The following HACL1 variants were observed in gnomAD, a reference collection of about 807,000 sequenced individuals.
HACL1 encodes the protein 1600020H07Rik.
In HACL1, 64 loss-of-function variants were observed where a neutral mutation model predicts 74.2. The ratio of observed to expected loss-of-function variants is 0.86; its 90% CI spans 0.70 to 1.06. The LOEUF is 1.06. Ranked by LOEUF, HACL1 falls within the 50% of genes least tolerant of loss-of-function variation. The probability of loss-of-function intolerance (pLI) is 0.00; values close to 1 mark genes in which losing one functional copy is unlikely to be tolerated. For missense variants in HACL1, 728 were observed against 719.7 expected, an observed-to-expected ratio of 1.01 and a Z score of -0.13; for synonymous variants, 230 against 238.8, an observed-to-expected ratio of 0.96 and a Z score of 0.34.
At chr3:15,578,329 G>C (rs1211859081) in intron 9 of HACL1, among the ~76,000 whole-genome samples, 1 of 151,916 alleles carries the variant, frequency 6.6e-6, no homozygotes, top group African/African-American at 2.4e-5. Context: ...TCATAATAAA[G>C]ACATTTCAAG....
intron 8 of HACL1, among the ~76,000 whole-genome samples, chr3:15,582,082 T>C (rs193115177): frequency 3.9e-5 from 6 of 152,342 alleles, no homozygotes; most frequent in Admixed American, 3.9e-4. Context: ...ACTATCAAAC[T>C]ATTTTTAGTT....
At position 15,597,520 on chromosome 3, in the gene HACL1, T is replaced by G. The variant is rs917976785; in HGVS notation, c.187-1096A>C. Among the ~76,000 whole-genome samples the G allele has an allele frequency of 2.3e-4, 34 of 147,284 alleles. 1 individual carries two copies. The highest frequency in any genetic ancestry group is 9.2e-4 in the African/African-American group (34 of 36,872). On this transcript the variant is annotated intron_variant, in intron 2 of 16. Coordinates refer to ENST00000321169, the MANE Select transcript of HACL1 (RefSeq NM_012260.4). ...ACATCATTTTTTTCCCAGTATTATT[T>G]CTTCTCATTTCTTTAGAAATAATAA...
chr3:15,573,542 A>C (rs749495745), intron 10 of HACL1, among the ~76,000 whole-genome samples: 1 of 152,228 alleles, frequency 6.6e-6, no homozygotes, highest in Non-Finnish European at 1.5e-5. Flanking sequence ...GCATCTAATC[A>C]GTAAGTTCTA....
rs775668583 is a variant in HACL1, at chr3:15,573,188, G to A, written c.964C>T (p.Leu322=). ...TTAGTGACAGCATGTATGTTTCCTA[G>A]CAAAGTAACAGCGGGCTTTACATTA... The part of the protein sequence containing the change: ...GNNVKPAVTL[L]GNIHAVTKQL... Residue 322 remains leucine, a synonymous_variant, in exon 11 of 17, where the codon CTA becomes TTA. Transcript: ENST00000321169. 1.9e-5 allele frequency: 30 copies of A among 1,609,204 alleles called. No individual in the cohort carries two copies. Among genetic ancestry groups the A allele is most frequent in the Non-Finnish European group, 2.3e-5 (27 of 1,175,820 alleles).
intron 9 of HACL1, among the ~76,000 whole-genome samples, chr3:15,576,154 C>CAAAAAA (rs1185744343): frequency 1.6e-5 from 1 of 62,476 alleles, no homozygotes; most frequent in African/African-American, 5.6e-5. Context: ...GACTCTGTCT[C>CAAAAAA]AAAAAAAAAA....
At chr3:15,578,897 G>C (rs1231514145) in intron 9 of HACL1, among the ~76,000 whole-genome samples, 3 of 152,218 alleles carry the variant, frequency 2.0e-5, no homozygotes, top group Admixed American at 1.3e-4. Flanking sequence ...CTGAGAATGG[G>C]AGAGTGGGGG....
At chr3:15,566,746 C>G (rs191694449) in intron 14 of HACL1, among the ~76,000 whole-genome samples, 1 of 96,408 alleles carries the variant, frequency 1.0e-5, no homozygotes, top group Non-Finnish European at 2.1e-5. Context: ...TTTTTTTTTT[C>G]AAGGAATTTC....
chr3:15,601,340 CA>C (rs1374209561), intron 1 of HACL1, 42 bp downstream of exon 1: 1 of 1,612,338 alleles, frequency 6.2e-7, no homozygotes, highest in East Asian at 2.2e-5. Context: ...CGGTCCCCGC[CA>C]GCTTCCGTAG....
At chr3:15,567,398 T>G (rs1183227447) in intron 14 of HACL1, among the ~76,000 whole-genome samples, 1 of 151,190 alleles carries the variant, frequency 6.6e-6, no homozygotes, top group Middle Eastern at 3.2e-3. Flanking sequence ...TTTTGTATAT[T>G]TAGTAGAGAT....
chr3:15,591,739 C>G, intron 3 of HACL1, 59 bp from the exon 4 acceptor site: 1 of 1,099,412 alleles, frequency 9.1e-7, no homozygotes, highest in Non-Finnish European at 1.4e-6. Flanking sequence ...ATTCATAACA[C>G]TTTAGTGTGA....
At chr3:15,574,761 T>C (rs774455072) in intron 10 of HACL1, among the ~76,000 whole-genome samples, 13 of 135,006 alleles carry the variant, frequency 9.6e-5, no homozygotes, top group Non-Finnish European at 1.6e-4. Context: ...TTTGAAAGGT[T>C]TTCTGGCTAG....
chr3:15,600,455 T>C (rs1049419292), intron 2 of HACL1, among the ~76,000 whole-genome samples: 2 of 152,238 alleles, frequency 1.3e-5, no homozygotes, highest in East Asian at 1.9e-4. Flanking sequence ...TTAAAGTGGA[T>C]TGACAAAACG....
intron 5 of HACL1, 32 bp downstream of exon 5, chr3:15,589,508 A>AT (rs767782769): frequency 2.7e-5 from 38 of 1,406,304 alleles, no homozygotes; most frequent in Non-Finnish European, 3.5e-5. Flanking sequence ...AAAATTAAAA[A>AT]TAAAAAAAAC....
Position 15,560,804 on chromosome 3 carries a change from G to T in HACL1, c.*61C>A. ...TTAACAGTAGAGTAATTTTGCTGTGGAAAATAAAATTTCATCTTGCAAGAA... is the reference window on the plus strand; with the variant it reads ...TTAACAGTAGAGTAATTTTGCTGTGTAAAATAAAATTTCATCTTGCAAGAA... On this transcript the variant is annotated 3_prime_UTR_variant, in exon 17 of 17. Coordinates refer to ENST00000321169, the MANE Select transcript of HACL1 (RefSeq NM_012260.4). The T allele has an allele frequency of 1.7e-6, 2 of 1,143,486 alleles. No individual in the cohort carries two copies. The highest frequency in any genetic ancestry group is 2.6e-6 in the Non-Finnish European group (2 of 764,308). 70.8% of individuals were successfully genotyped at this position (1,143,486 alleles called of 1,614,324 possible). A position where few individuals can be genotyped will look rare whatever the true frequency, so the allele number is the denominator to read the frequency against.
intron 9 of HACL1, among the ~76,000 whole-genome samples, chr3:15,576,707 C>T (rs2125248435): frequency 6.6e-6 from 1 of 151,876 alleles, no homozygotes; most frequent in East Asian, 1.9e-4. Flanking sequence ...TTTTGTTTTT[C>T]ACTTCTCATT....
intron 6 of HACL1, among the ~76,000 whole-genome samples, chr3:15,585,561 G>C (rs1574932747): frequency 6.6e-6 from 1 of 152,084 alleles, no homozygotes; most frequent in East Asian, 1.9e-4. Flanking sequence ...TATTCATTTA[G>C]GGCTTTAAAA....
chr3:15,580,463 C>T (rs796402874), intron 8 of HACL1, among the ~76,000 whole-genome samples: 13 of 152,166 alleles, frequency 8.5e-5, no homozygotes, highest in African/African-American at 3.1e-4. Context: ...AAACTCAAAA[C>T]AAATTGTGAT....
intron 2 of HACL1, among the ~76,000 whole-genome samples, chr3:15,600,571 A>C (rs1275300290): frequency 3.3e-5 from 5 of 152,216 alleles, no homozygotes. Context: ...AGTTTCCATC[A>C]AGGCACTACC....
chr3:15,570,344 A>C (rs1287325759), intron 12 of HACL1, among the ~76,000 whole-genome samples: 1 of 148,754 alleles, frequency 6.7e-6, no homozygotes, highest in African/African-American at 2.4e-5. Context: ...TCTGTCCCCA[A>C]AAAAAAAAAA....
Sources: allele counts gnomAD v4.1 joint callset (sites outside exome capture counted in the v4.1 genomes callset), GRCh38; gene constraint gnomAD v4.1.1; transcripts MANE v1.5; gene names NCBI Gene and HGNC (gene_info 2026-07-23, HGNC 2026-07-21).